ADCY2: variants seen among roughly 807,000 people sequenced by gnomAD.
ADCY2 encodes the protein adenylate cyclase type 2.
ADCY2 carries 31 observed loss-of-function variants against 125.2 expected under a neutral mutation model. The observed-to-expected ratio is 0.25, with a 90% CI of 0.19 to 0.33. ADCY2 has a LOEUF of 0.33. Among genes scored for constraint, ADCY2 ranks in the 10% least tolerant of loss-of-function variants. The pLI, the probability that ADCY2 is intolerant of heterozygous loss-of-function variation, is 1.00. For missense variants in ADCY2, 904 were observed against 1,418.2 expected (o/e 0.64, Z 5.82); for synonymous variants, 512 against 548.4 (o/e 0.93, Z 0.93).
chr5:7,472,810 T>C (rs1579478457), intron 2 of ADCY2, among the ~76,000 whole-genome samples: 1 of 152,078 alleles, frequency 6.6e-6, no homozygotes, highest in East Asian at 1.9e-4. Context: ...TTCTGATTTG[T>C]TGGTTGGTGA....
intron 9 of ADCY2, among the ~76,000 whole-genome samples, chr5:7,708,729 G>C (rs35552375): frequency 0.014 from 2,173 of 152,200 alleles, 27 homozygotes; most frequent in Non-Finnish European, 0.021. Flanking sequence ...CTTGATGATC[G>C]ATCTGGAGAT....
At chr5:7,424,920 C>T (rs1740332312) in intron 2 of ADCY2, among the ~76,000 whole-genome samples, 1 of 152,144 alleles carries the variant, frequency 6.6e-6, no homozygotes, top group African/African-American at 2.4e-5. Context: ...ATATGCCTGT[C>T]CTTGGCCTCA....
Position 7,594,574 on chromosome 5 carries a change from C to T in ADCY2, c.571-31593C>T, listed in dbSNP as rs1039988219. Among the ~76,000 whole-genome samples the T allele has an allele frequency of 2.0e-5, 3 of 152,130 alleles. No individual in the cohort carries two copies. The East Asian group carries it at 5.8e-4, about 29-fold the overall frequency. The stretch of plus-strand genomic sequence containing the variant: ...CCCTCTCCACAGCACCTTCCTTGCA[C>T]ATTGCAGTCTTTAATTAGTTATTGA... On this transcript the variant is annotated intron_variant, in intron 3 of 24. Coordinates refer to ENST00000338316, the MANE Select transcript of ADCY2 (RefSeq NM_020546.3).
intron 17 of ADCY2, among the ~76,000 whole-genome samples, chr5:7,772,365 C>T (rs925215669): frequency 1.3e-5 from 2 of 152,172 alleles, no homozygotes; most frequent in African/African-American, 2.4e-5. Flanking sequence ...CTGTCAAACT[C>T]CCGGGGGGAT....
intron 3 of ADCY2, among the ~76,000 whole-genome samples, chr5:7,585,881 C>A (rs919708109): frequency 4.6e-5 from 7 of 152,248 alleles, no homozygotes; most frequent in African/African-American, 1.7e-4. Context: ...TGTTAACTTA[C>A]TCGACAGCAG....
chr5:7,406,206 A>G (rs943493738), intron 1 of ADCY2, among the ~76,000 whole-genome samples: 2 of 152,094 alleles, frequency 1.3e-5, no homozygotes, highest in African/African-American at 4.8e-5. Flanking sequence ...TTTTCAGGAG[A>G]GATGACCCTA....
chr5:7,600,627 T>A (rs1207932330), intron 3 of ADCY2, among the ~76,000 whole-genome samples: 1 of 152,166 alleles, frequency 6.6e-6, no homozygotes, highest in East Asian at 1.9e-4. Context: ...TGGCTCAGTC[T>A]CAACATCCAT....
chr5:7,529,094 G>A (rs144401139), intron 3 of ADCY2, among the ~76,000 whole-genome samples: 77 of 152,316 alleles, frequency 5.1e-4, no homozygotes, highest in African/African-American at 1.8e-3. Context: ...TAAAGAGTAA[G>A]GAGAAACCCA....
intron 2 of ADCY2, among the ~76,000 whole-genome samples, chr5:7,437,432 G>A (rs1369604285): frequency 2.6e-5 from 4 of 152,194 alleles, no homozygotes; most frequent in African/African-American, 4.8e-5. Context: ...TAAGAGCACA[G>A]GTCTGCAATC....
chr5:7,700,214 A>G (rs1420446686), intron 7 of ADCY2, among the ~76,000 whole-genome samples: 1 of 152,202 alleles, frequency 6.6e-6, no homozygotes, highest in Non-Finnish European at 1.5e-5. Context: ...TCTGCATTGT[A>G]TCTGTAATTT....
intron 3 of ADCY2, among the ~76,000 whole-genome samples, chr5:7,583,250 A>G (rs970265607): frequency 6.6e-6 from 1 of 152,090 alleles, no homozygotes; most frequent in African/African-American, 2.4e-5. Context: ...CAAACATATT[A>G]GGATGAAAAT....
At chr5:7,427,912 T>C (rs1275913314) in intron 2 of ADCY2, among the ~76,000 whole-genome samples, 1 of 152,174 alleles carries the variant, frequency 6.6e-6, no homozygotes, top group Non-Finnish European at 1.5e-5. Flanking sequence ...CAGAATCCAC[T>C]CCATATGGCA....
At chr5:7,451,462 T>G (rs1741467014) in intron 2 of ADCY2, among the ~76,000 whole-genome samples, 1 of 152,228 alleles carries the variant, frequency 6.6e-6, no homozygotes, top group African/African-American at 2.4e-5. Flanking sequence ...ATGATAAAAC[T>G]TGAATGGATG....
chr5:7,508,808 T>C (rs1054188898), intron 2 of ADCY2, among the ~76,000 whole-genome samples: 3 of 152,186 alleles, frequency 2.0e-5, no homozygotes, highest in African/African-American at 7.2e-5. Context: ...CATTGTGTTT[T>C]CGTCCTCATG....
At chr5:7,821,155 G>C (rs909702359) in intron 24 of ADCY2, among the ~76,000 whole-genome samples, 2 of 152,190 alleles carry the variant, frequency 1.3e-5, no homozygotes, top group Non-Finnish European at 2.9e-5. Flanking sequence ...GATATGAATG[G>C]CAGCTCTGGA....
chr5:7,487,435 A>T (rs1052928841), intron 2 of ADCY2, among the ~76,000 whole-genome samples: 2 of 152,098 alleles, frequency 1.3e-5, no homozygotes, highest in Non-Finnish European at 2.9e-5. Context: ...CAGATAACCT[A>T]TGTCTTTGGT....
At chr5:7,518,084 T>TA (rs1231402812) in intron 2 of ADCY2, among the ~76,000 whole-genome samples, 4 of 152,232 alleles carry the variant, frequency 2.6e-5, no homozygotes, top group Non-Finnish European at 4.4e-5. Context: ...TAAATTTCAT[T>TA]TGCTCAATAA....
intron 19 of ADCY2, among the ~76,000 whole-genome samples, chr5:7,786,935 G>A (rs13157019): frequency 0.31 from 46,755 of 152,076 alleles, 8,234 homozygotes; most frequent in Non-Finnish European, 0.4. Flanking sequence ...TCCCAGAACC[G>A]CACTTGAGGC....
chr5:7,647,134 G>A (rs1346435344), intron 4 of ADCY2, among the ~76,000 whole-genome samples: 1 of 152,186 alleles, frequency 6.6e-6, no homozygotes, highest in Non-Finnish European at 1.5e-5. Flanking sequence ...ATGTGCAAAT[G>A]TGCCTTTCAG....
Sources: allele counts gnomAD v4.1 joint callset (sites outside exome capture counted in the v4.1 genomes callset), GRCh38; gene constraint gnomAD v4.1.1; transcripts MANE v1.5; gene names NCBI Gene and HGNC (gene_info 2026-07-23, HGNC 2026-07-21).